Variants in EMC2 observed in about 807,000 individuals in gnomAD.
EMC2 encodes ER membrane protein complex subunit 2, also known as TPR repeat protein 35.
A neutral mutation model predicts 51.6 loss-of-function variants in EMC2; 37 were observed. The observed-to-expected ratio is 0.72, with a 90% confidence interval of 0.55 to 0.94. The LOEUF (loss-of-function observed/expected upper bound fraction) is 0.94. Among genes scored for constraint, EMC2 ranks in the 40% least tolerant of loss-of-function variants. EMC2 has a pLI of 0.00. For missense variants in EMC2, 359 were observed against 350.9 expected (o/e 1.02, Z -0.18); for synonymous variants, 131 against 112.4 (o/e 1.17, Z -1.04).
chr8:108,471,731 T>C (rs951999656), intron 7 of EMC2, among the ~76,000 whole-genome samples: 7 of 151,956 alleles, frequency 4.6e-5, no homozygotes, highest in African/African-American at 2.4e-5. Flanking sequence ...ATAAAGGTTG[T>C]TTTATATTTT....
chr8:108,467,393 G>T (rs1408542826), intron 5 of EMC2, among the ~76,000 whole-genome samples: 3 of 151,316 alleles, frequency 2.0e-5, no homozygotes, highest in Admixed American at 2.0e-4. Flanking sequence ...CTGTCGCCCA[G>T]GCTGGAGTGC....
At chr8:108,481,619 A>G (rs896224890) in intron 10 of EMC2, among the ~76,000 whole-genome samples, 1 of 152,206 alleles carries the variant, frequency 6.6e-6, no homozygotes, top group Admixed American at 6.6e-5. Context: ...TAAGAATTAT[A>G]ACAGAAAAAA....
intron 7 of EMC2, among the ~76,000 whole-genome samples, chr8:108,473,269 C>CCAAT (rs780063053): frequency 2.0e-5 from 3 of 151,902 alleles, no homozygotes; most frequent in Non-Finnish European, 2.9e-5. Flanking sequence ...GTCAGCACTA[C>CCAAT]CAATATGTAT....
intron 10 of EMC2, among the ~76,000 whole-genome samples, chr8:108,484,377 CTTTCT>C (rs756347600): frequency 3.3e-5 from 5 of 151,958 alleles, no homozygotes; most frequent in Non-Finnish European, 7.4e-5. Context: ...GTATTTCCAA[CTTTCT>C]TTTATTTGTT....
chr8:108,446,450 G>C, intron 1 of EMC2: 1 of 241,550 alleles, frequency 4.1e-6, no homozygotes, highest in Admixed American at 4.6e-5. Context: ...GAAAGCCTGG[G>C]CATGGATAAT....
intron 8 of EMC2, among the ~76,000 whole-genome samples, chr8:108,476,517 T>C (rs1039242203): frequency 6.6e-6 from 1 of 151,914 alleles, no homozygotes; most frequent in African/African-American, 2.4e-5. Flanking sequence ...TAGAAATTAT[T>C]CTGGCTTTTT....
In EMC2 at chr8:108,444,596, A is replaced by G. The variant is rs116279052; in HGVS notation, c.40+898A>G. Among the ~76,000 whole-genome samples the G allele has an allele frequency of 2.0e-3, 305 of 152,314 alleles. 3 individuals are homozygous for G. The highest frequency in any genetic ancestry group is 6.9e-3 in the African/African-American group (286 of 41,566). On this transcript the variant is annotated intron_variant, in intron 1 of 10. Transcript: ENST00000220853. ...TTGGGATGTTTTAATAATGACCTGA[A>G]AACATGTGGACCGAAAGTTGTATTT...
chr8:108,476,802 A>G lies in EMC2; in HGVS notation c.612A>G (p.Gly204=), dbSNP rs1298207217. The G allele has an allele frequency of 1.9e-6, 3 of 1,586,702 alleles. No individual in the cohort carries two copies. Among genetic ancestry groups the G allele is most frequent in the Non-Finnish European group, 2.6e-6 (3 of 1,155,864 alleles). The change falls in exon 9 of 11, where the codon GGA becomes GGG. Residue 204 remains glycine, a synonymous_variant. Transcript: ENST00000220853. The stretch of plus-strand genomic sequence containing the variant: ...AACAGGTTAAGTATACCCAAGGTGG[A>G]CTTGAAAACCTCGAACTTTCAAGAA... ...QYAEVKYTQG[G]LENLELSRKY... is the part of the protein sequence containing the mutation.
intron 5 of EMC2, among the ~76,000 whole-genome samples, chr8:108,467,717 GT>G (rs766059051): frequency 1.3e-5 from 2 of 152,080 alleles, no homozygotes; most frequent in Non-Finnish European, 1.5e-5. Flanking sequence ...GAATCCAACT[GT>G]TTTCAACAAG....
At chr8:108,449,972 C>T (rs766939640) in intron 2 of EMC2, 36 bp downstream of exon 2, 2 of 786,322 alleles carry the variant, frequency 2.5e-6, no homozygotes, top group African/African-American at 1.9e-5. Context: ...TCAGTACATG[C>T]CTCATTCATG....
intron 9 of EMC2, among the ~76,000 whole-genome samples, chr8:108,477,628 A>G (rs1810970975): frequency 6.6e-6 from 1 of 152,100 alleles, no homozygotes; most frequent in South Asian, 2.1e-4. Context: ...CAATTTTTAA[A>G]AAGGAATGGC....
At chr8:108,482,523 A>G (rs1235102337) in intron 10 of EMC2, among the ~76,000 whole-genome samples, 4 of 152,030 alleles carry the variant, frequency 2.6e-5, no homozygotes, top group African/African-American at 7.2e-5. Flanking sequence ...CAGAATTTCT[A>G]TTCTTTTACT....
intron 4 of EMC2, among the ~76,000 whole-genome samples, chr8:108,453,954 A>G (rs755111963): frequency 1.5e-4 from 23 of 152,014 alleles, no homozygotes; most frequent in African/African-American, 3.6e-4. Flanking sequence ...TGAGCCCTTT[A>G]TATTATGTAA....
chr8:108,474,898 T>C (rs1372349870), intron 7 of EMC2: 1 of 88,810 alleles, frequency 1.1e-5, no homozygotes, highest in African/African-American at 3.6e-5. Context: ...TTAATACATG[T>C]AACACATTTA....
At chr8:108,453,854 C>T (rs1252036170) in intron 4 of EMC2, among the ~76,000 whole-genome samples, 1 of 152,064 alleles carries the variant, frequency 6.6e-6, no homozygotes, top group Non-Finnish European at 1.5e-5. Context: ...ATCTATTTCT[C>T]CTTGCAGTTC....
At chr8:108,479,138 G>A in intron 10 of EMC2, 28 bp downstream of exon 10, 1 of 1,305,278 alleles carries the variant, frequency 7.7e-7, no homozygotes, top group South Asian at 1.5e-5. Context: ...ATTTTGCTAT[G>A]TAGGTCAGTT....
intron 5 of EMC2, among the ~76,000 whole-genome samples, chr8:108,467,622 GTC>G (rs1810756665): frequency 6.6e-6 from 1 of 152,132 alleles, no homozygotes; most frequent in African/African-American, 2.4e-5. Context: ...GCCCAGGCTG[GTC>G]TCTCACTCCT....
At chr8:108,463,257 T>C (rs528217400) in intron 5 of EMC2, among the ~76,000 whole-genome samples, 2 of 152,288 alleles carry the variant, frequency 1.3e-5, no homozygotes, top group South Asian at 2.1e-4. Context: ...TTGAAGGAGA[T>C]GAGAAAAGTA....
In EMC2 at chr8:108,449,913, A is replaced by G. The variant is rs556700284; in HGVS notation, c.131A>G (p.Tyr44Cys). Residue 44 changes from tyrosine to cysteine, a missense_variant, in exon 2 of 11, where the codon TAT becomes TGT. Transcript: ENST00000220853. ...VEVGEELINE[Y>C]ASKLGDDIWI... is the part of the protein sequence containing the mutation. ...GTTGGAGAAGAATTAATTAATGAAT[A>G]TGCTTCTAAGCTGGGAGATGATAGT... 1 of 1,570,752 alleles carries G rather than the reference A, an allele frequency of 6.4e-7. No homozygotes were observed. The highest frequency in any genetic ancestry group is 2.2e-5 in the East Asian group (1 of 44,486).
Sources: gnomAD v4.1 joint callset for allele counts (sites outside exome capture counted in the v4.1 genomes callset) on GRCh38, gnomAD v4.1.1 for gene constraint, MANE v1.5 for transcripts, NCBI Gene and HGNC (gene_info 2026-07-23, HGNC 2026-07-21) for gene names.